Variants in SCHIP1 observed in about 807,000 individuals in gnomAD.
The protein encoded by SCHIP1 is schwannomin-interacting protein 1.
In SCHIP1, 8 loss-of-function variants were observed where a neutral mutation model predicts 29.7. The ratio of observed to expected loss-of-function variants is 0.27; its 90% CI spans 0.16 to 0.49. The LOEUF (loss-of-function observed/expected upper bound fraction) is 0.49. SCHIP1 is among the 20% of genes least tolerant of loss of function. The pLI is 0.99. For missense variants in SCHIP1, 193 were observed against 294.6 expected (o/e 0.66, Z 2.52); for synonymous variants, 76 against 94.9 (o/e 0.80, Z 1.16).
At chr3:159,671,462 C>T in the SCHIP1 span, among the ~76,000 whole-genome samples, 1 of 152,204 alleles carries the variant, frequency 6.6e-6, no homozygotes, top group African/African-American at 2.4e-5. Context: ...ACTCCCAAGG[C>T]TCTTTCTCCC....
At chr3:159,639,943 C>G in the SCHIP1 span, among the ~76,000 whole-genome samples, 1 of 152,140 alleles carries the variant, frequency 6.6e-6, no homozygotes, top group African/African-American at 2.4e-5. Context: ...CAGAAAAGAA[C>G]AGATATTAAA....
intron 2 of SCHIP1, among the ~76,000 whole-genome samples, chr3:159,877,902 AAGG>A (rs112740837): frequency 2.6e-5 from 4 of 152,350 alleles, no homozygotes; most frequent in African/African-American, 9.6e-5. Context: ...CTGCAGATCC[AAGG>A]AGGAGAATGA....
At chr3:159,621,674 T>G in the SCHIP1 span, among the ~76,000 whole-genome samples, 4 of 151,414 alleles carry the variant, frequency 2.6e-5, no homozygotes, top group Non-Finnish European at 3.0e-5. Flanking sequence ...TGTTCTTTGT[T>G]TTTTTTTTGA....
the SCHIP1 span, among the ~76,000 whole-genome samples, chr3:159,601,353 A>G: frequency 2.0e-5 from 3 of 151,760 alleles, no homozygotes; most frequent in Non-Finnish European, 4.4e-5. Context: ...TCTGCTCTCT[A>G]TGGAAGCAGC....
At chr3:159,654,253 C>T in the SCHIP1 span, among the ~76,000 whole-genome samples, 1 of 152,040 alleles carries the variant, frequency 6.6e-6, no homozygotes, top group African/African-American at 2.4e-5. Flanking sequence ...ACTCTGGCAC[C>T]ATGCTCTTTC....
chr3:159,374,492 G>T, the SCHIP1 span, among the ~76,000 whole-genome samples: 1 of 152,006 alleles, frequency 6.6e-6, no homozygotes, highest in African/African-American at 2.4e-5. Context: ...GTTTTTCTTC[G>T]GTCACTCCAC....
the SCHIP1 span, among the ~76,000 whole-genome samples, chr3:159,639,971 A>G: frequency 6.6e-6 from 1 of 152,330 alleles, no homozygotes; most frequent in South Asian, 2.1e-4. Flanking sequence ...TATTTTTGCT[A>G]TGCTTTTAAA....
the SCHIP1 span, among the ~76,000 whole-genome samples, chr3:159,351,798 C>T: frequency 6.6e-6 from 1 of 152,074 alleles, no homozygotes; most frequent in Admixed American, 6.6e-5. Flanking sequence ...TTTGTCAAAC[C>T]TCTTGCTATA....
chr3:159,751,973 A>G, the SCHIP1 span, among the ~76,000 whole-genome samples: 1 of 152,154 alleles, frequency 6.6e-6, no homozygotes, highest in Non-Finnish European at 1.5e-5. Flanking sequence ...CCTCAGGGCT[A>G]TTCTCGTGAC....
the SCHIP1 span, among the ~76,000 whole-genome samples, chr3:159,560,515 G>A: frequency 1.3e-5 from 2 of 152,074 alleles, no homozygotes; most frequent in African/African-American, 4.8e-5. Flanking sequence ...TCTAATAGCT[G>A]GTATCATTCT....
chr3:159,608,162 A>G, the SCHIP1 span, among the ~76,000 whole-genome samples: 1 of 152,348 alleles, frequency 6.6e-6, no homozygotes, highest in South Asian at 2.1e-4. Flanking sequence ...ACTAAATTCC[A>G]GAAAGCCATG....
the SCHIP1 span, among the ~76,000 whole-genome samples, chr3:159,488,549 G>T: frequency 2.0e-5 from 3 of 152,156 alleles, no homozygotes; most frequent in Non-Finnish European, 4.4e-5. Context: ...AGAGGGAAAG[G>T]TCTGAGGAGG....
chr3:159,287,251 T>C, the SCHIP1 span, among the ~76,000 whole-genome samples: 1 of 151,938 alleles, frequency 6.6e-6, no homozygotes, highest in Non-Finnish European at 1.5e-5. Context: ...TTATATATAG[T>C]ATAAGGATTT....
the SCHIP1 span, among the ~76,000 whole-genome samples, chr3:159,586,511 T>C: frequency 6.6e-6 from 1 of 152,324 alleles, no homozygotes; most frequent in South Asian, 2.1e-4. Flanking sequence ...CTCCTGCTTC[T>C]GTCTCATTGT....
chr3:159,614,435 G>T, the SCHIP1 span, among the ~76,000 whole-genome samples: 1 of 152,036 alleles, frequency 6.6e-6, no homozygotes, highest in East Asian at 1.9e-4. Context: ...TGTACCTTAA[G>T]AATTCTAGGT....
At chr3:159,708,169 G>C in the SCHIP1 span, among the ~76,000 whole-genome samples, 1 of 152,290 alleles carries the variant, frequency 6.6e-6, no homozygotes, top group Non-Finnish European at 1.5e-5. Context: ...TTCTGGCAAA[G>C]GGGAGAGGGG....
chr3:159,510,102 C>CACCAAT, the SCHIP1 span, among the ~76,000 whole-genome samples: 1 of 152,212 alleles, frequency 6.6e-6, no homozygotes, highest in Non-Finnish European at 1.5e-5. Context: ...CTTGCAGGTA[C>CACCAAT]ACCAATCAGA....
intron 2 of SCHIP1, among the ~76,000 whole-genome samples, chr3:159,873,595 A>G (rs1019086626): frequency 7.9e-5 from 12 of 152,206 alleles, no homozygotes; most frequent in Non-Finnish European, 1.8e-4. Context: ...AGTGCAGCAA[A>G]ATAATATTTG....
the SCHIP1 span, among the ~76,000 whole-genome samples, chr3:159,527,578 T>A: frequency 6.6e-6 from 1 of 152,246 alleles, no homozygotes; most frequent in African/African-American, 2.4e-5. Context: ...GTGTACCTAT[T>A]TTATAAGACT....
Sources: gnomAD v4.1 joint callset for allele counts (sites outside exome capture counted in the v4.1 genomes callset) on GRCh38, gnomAD v4.1.1 for gene constraint, MANE v1.5 for transcripts, NCBI Gene and HGNC (gene_info 2026-07-23, HGNC 2026-07-21) for gene names.